GRIA2: variants seen among roughly 807,000 people sequenced by gnomAD.
GRIA2 encodes glutamate ionotropic receptor AMPA type subunit 2, also known as glutamate receptor 2.
In GRIA2, 14 loss-of-function variants were observed where a neutral mutation model predicts 97.3. The observed-to-expected ratio is 0.14, with a 90% confidence interval of 0.10 to 0.23. GRIA2 has a LOEUF of 0.23. GRIA2 is among the 10% of genes least tolerant of loss of function. The probability of loss-of-function intolerance (pLI) is 1.00; values close to 1 mark genes in which losing one functional copy is unlikely to be tolerated. For missense variants in GRIA2, 558 were observed against 1,069.8 expected (o/e 0.52, Z 6.67); for synonymous variants, 412 against 387.8 (o/e 1.06, Z -0.73).
rs147019710 is a variant in GRIA2, at chr4:157,260,473, G to A, written c.229+38666G>A. 4.9e-3 allele frequency among the ~76,000 whole-genome samples: 752 copies of A among 152,100 alleles called. 2 individuals carry two copies. Among genetic ancestry groups the A allele is most frequent in the Non-Finnish European group, 7.1e-3 (485 of 67,962 alleles). The stretch of plus-strand genomic sequence containing the variant: ...TTTGTCCCTTTCAGCATGATCAATG[G>A]TGACTTAGCACCAAGTCCCCAATCC... On this transcript the variant is annotated intron_variant, in intron 2 of 15. Transcript: ENST00000264426.
intron 3 of GRIA2, among the ~76,000 whole-genome samples, chr4:157,305,428 T>A (rs756600988): frequency 5.8e-4 from 89 of 152,152 alleles, no homozygotes; most frequent in Non-Finnish European, 1.0e-3. Context: ...TGTTAAAAAA[T>A]TTTTTTTGGA....
At chr4:157,255,638 A>G (rs183848725) in intron 2 of GRIA2, among the ~76,000 whole-genome samples, 5 of 152,040 alleles carry the variant, frequency 3.3e-5, no homozygotes, top group Admixed American at 3.3e-4. Flanking sequence ...ACTTAATTAA[A>G]CTAAAAAGCT....
chr4:157,305,252 C>A (rs781642066), intron 3 of GRIA2, among the ~76,000 whole-genome samples: 1 of 152,062 alleles, frequency 6.6e-6, no homozygotes, highest in Non-Finnish European at 1.5e-5. Flanking sequence ...TTCATCCTTG[C>A]ATCCTATTGA....
chr4:157,241,495 A>G (rs1237186917), intron 2 of GRIA2, among the ~76,000 whole-genome samples: 1 of 152,032 alleles, frequency 6.6e-6, no homozygotes, highest in Admixed American at 6.6e-5. Context: ...GCCTCTCTCC[A>G]TTTCTTTTAG....
chr4:157,265,369 C>T (rs1731723556), intron 2 of GRIA2, among the ~76,000 whole-genome samples: 1 of 152,118 alleles, frequency 6.6e-6, no homozygotes, highest in Admixed American at 6.6e-5. Context: ...TGTAGGTTTA[C>T]AGGTATCAGC....
intron 2 of GRIA2, among the ~76,000 whole-genome samples, chr4:157,222,015 G>T (rs527243128): frequency 6.6e-6 from 1 of 152,216 alleles, no homozygotes; most frequent in East Asian, 1.9e-4. Context: ...GGGCTGAAGA[G>T]AGAGGGAAAG....
intron 2 of GRIA2, among the ~76,000 whole-genome samples, chr4:157,235,554 T>C: frequency 6.6e-6 from 1 of 152,030 alleles, no homozygotes; most frequent in Non-Finnish European, 1.5e-5. Flanking sequence ...ATAAAAAAGA[T>C]TCTCAATGGA....
At chr4:157,256,174 A>ATGAGAGGTTTCCACTCTCACTGTT (rs1731237197) in intron 2 of GRIA2, among the ~76,000 whole-genome samples, 3 of 138,060 alleles carry the variant, frequency 2.2e-5, no homozygotes, top group African/African-American at 8.1e-5. Context: ...TATGTTATAT[A>ATGAGAGGTTTCCACTCTCACTGTT]TTATATATAA....
chr4:157,349,503 C>CT (rs1488145353), intron 12 of GRIA2, among the ~76,000 whole-genome samples: 2 of 118,910 alleles, frequency 1.7e-5, no homozygotes, highest in South Asian at 3.0e-4. Context: ...TTCTTTCGTT[C>CT]TTTTTTGTAA....
chr4:157,248,249 A>G (rs1358533230), intron 2 of GRIA2, among the ~76,000 whole-genome samples: 1 of 151,604 alleles, frequency 6.6e-6, no homozygotes, highest in Non-Finnish European at 1.5e-5. Flanking sequence ...ATAAAGTTTA[A>G]CAGACAGCAT....
At chr4:157,362,340 A>C (rs913854092) in intron 14 of GRIA2, 1 of 455,178 alleles carries the variant, frequency 2.2e-6, no homozygotes, top group Non-Finnish European at 4.4e-6. Context: ...TCCATTTATG[A>C]CTCTACTAAG....
chr4:157,327,103 G>T (rs909628541), intron 6 of GRIA2, among the ~76,000 whole-genome samples: 3 of 152,064 alleles, frequency 2.0e-5, no homozygotes, highest in Non-Finnish European at 4.4e-5. Flanking sequence ...TCATTCATAG[G>T]TAATATACTG....
chr4:157,259,255 G>C (rs1731419932), intron 2 of GRIA2, among the ~76,000 whole-genome samples: 1 of 151,894 alleles, frequency 6.6e-6, no homozygotes. Flanking sequence ...AAGTGAAGAG[G>C]AAGAGAAAAT....
At chr4:157,351,642 A>C (rs772961745) in intron 12 of GRIA2, among the ~76,000 whole-genome samples, 4 of 152,138 alleles carry the variant, frequency 2.6e-5, no homozygotes, top group Admixed American at 1.3e-4. Flanking sequence ...TTGAATTGCA[A>C]TCCCTATAAT....
chr4:157,221,615 T>C (rs1192221128), intron 1 of GRIA2, 52 bp from the exon 2 acceptor site: 2 of 1,586,886 alleles, frequency 1.3e-6, no homozygotes, highest in East Asian at 2.2e-5. Context: ...GCCCCTCCTT[T>C]CCCTCCCGGG....
At chr4:157,356,494 G>A (rs990254644) in intron 12 of GRIA2, among the ~76,000 whole-genome samples, 2 of 151,954 alleles carry the variant, frequency 1.3e-5, no homozygotes, top group Non-Finnish European at 2.9e-5. Flanking sequence ...GGTAAAATTT[G>A]CTCAAATGTA....
intron 12 of GRIA2, among the ~76,000 whole-genome samples, chr4:157,353,383 T>C (rs751801382): frequency 7.4e-6 from 1 of 134,246 alleles, no homozygotes; most frequent in South Asian, 2.4e-4. Context: ...CAAAACCTTA[T>C]AGTTGGCCAG....
intron 2 of GRIA2, among the ~76,000 whole-genome samples, chr4:157,235,016 A>G (rs1730181925): frequency 6.6e-6 from 1 of 152,068 alleles, no homozygotes; most frequent in East Asian, 1.9e-4. Flanking sequence ...GTTGCCTTAT[A>G]TTGCAGTAAC....
chr4:157,294,944 G>A (rs1035076263), intron 2 of GRIA2, among the ~76,000 whole-genome samples: 5 of 152,116 alleles, frequency 3.3e-5, no homozygotes, highest in Non-Finnish European at 5.9e-5. Context: ...GAGAAAATAC[G>A]TATCCCAAAG....
Sources: allele counts gnomAD v4.1 joint callset (sites outside exome capture counted in the v4.1 genomes callset), GRCh38; gene constraint gnomAD v4.1.1; transcripts MANE v1.5; gene names NCBI Gene and HGNC (gene_info 2026-07-23, HGNC 2026-07-21).